Variants in CASZ1 observed in about 807,000 individuals in gnomAD.
CASZ1 encodes the protein castor zinc finger 1.
CASZ1 carries 28 observed loss-of-function variants against 135.2 expected under a neutral mutation model. That is an observed-to-expected ratio of 0.21 (90% CI 0.15 to 0.28). The LOEUF is 0.28. Among genes scored for constraint, CASZ1 ranks in the 10% least tolerant of loss-of-function variants. The probability of loss-of-function intolerance (pLI) is 1.00; values close to 1 mark genes in which losing one functional copy is unlikely to be tolerated. For missense variants in CASZ1, 2,161 were observed against 2,453.3 expected (o/e 0.88, Z 2.52); for synonymous variants, 1,068 against 1,073.4 (o/e 0.99, Z 0.10).
In CASZ1 at chr1:10,658,589, A is replaced by G; in HGVS notation, c.1341-13T>C. 1.2e-6 allele frequency: 2 copies of G among 1,613,062 alleles called. No individual in the cohort carries two copies. The highest frequency in any genetic ancestry group is 8.5e-7 in the Non-Finnish European group (1 of 1,179,068). ...GGGCAGTCCGTTCCTGGCAAGAGAC[A>G]CACAGGGCACAGCCGGTGAGCAGAT... is the stretch of plus-strand genomic sequence containing the variant. On this transcript the variant is annotated splice_polypyrimidine_tract_variant and intron_variant, in intron 6 of 20. Transcript: ENST00000377022.
Position 10,726,816 on chromosome 1 carries a change from T to A in CASZ1, c.-76-21272A>T, listed in dbSNP as rs1639606343. Among the ~76,000 whole-genome samples the A allele has an allele frequency of 6.6e-6, 1 of 152,010 alleles. No homozygotes were observed. The highest frequency in any genetic ancestry group is 2.4e-5 in the African/African-American group (1 of 41,392). ...CCCTGAAGAGAGGCCAGGGAGAGGC[T>A]AGCATGGGGGTGTTCAGAGGCCCAG... On this transcript the variant is annotated intron_variant, in intron 2 of 20. Coordinates refer to ENST00000377022, the MANE Select transcript of CASZ1 (RefSeq NM_001079843.3). The surrounding 1 kb of genome is among the most constrained non-coding windows in gnomAD (Gnocchi z 5.7).
rs1642706550 is a variant in CASZ1 at position 10,654,131 on chromosome 1, C to A, written c.1926G>T (p.Lys642Asn). 1.2e-6 allele frequency: 2 copies of A among 1,614,092 alleles called. No homozygotes were observed. Among genetic ancestry groups the A allele is most frequent in the Non-Finnish European group, 1.7e-6 (2 of 1,180,048 alleles). The change falls in exon 11 of 21, where the codon AAG becomes AAT. Residue 642 changes from lysine (K) to asparagine (N), a missense_variant. By Grantham distance (94) the Lys-to-Asn change is moderately conservative. Coordinates refer to ENST00000377022, the MANE Select transcript of CASZ1 (RefSeq NM_001079843.3). ...ACTTGTAGAACTTCTTGAAGCCGTC[C>A]TTGGCGTAGGCATCGTCCTTGATGT... ...SYHIKDDAYA[K>N]DGFKKFYKYE...
intron 2 of CASZ1, among the ~76,000 whole-genome samples, chr1:10,712,192 A>G (rs1362849515): frequency 6.6e-6 from 1 of 151,760 alleles, no homozygotes; most frequent in Admixed American, 6.6e-5. Flanking sequence ...CTAAAAATAC[A>G]AAAAGTAGCC....
chr1:10,649,058 C>T lies in CASZ1; in HGVS notation c.3158+12G>A, dbSNP rs1485265540. The stretch of plus-strand genomic sequence containing the variant: ...GGGGCTCTGTGGAAATGGCCCCCAG[C>T]ACCCTACTCACTTTGCGTGCTTGAT... On this transcript the variant is annotated intron_variant, in intron 15 of 20. Transcript: ENST00000377022. 2.5e-6 allele frequency: 4 copies of T among 1,611,770 alleles called. No homozygotes were observed. Among genetic ancestry groups the T allele is most frequent in the African/African-American group, 2.7e-5 (2 of 75,020 alleles).
Position 10,639,994 on chromosome 1 carries a change from A to G in CASZ1, c.4228T>C (p.Ser1410Pro). ...KKRFWIIEDM[S>P]PFGKRRKTAS... ...GTCTTCCGCCGCTTGCCGAAGGGCG[A>G]CATGTCCTCGATGATCCAGAAGCGC... is the stretch of plus-strand genomic sequence containing the variant. Residue 1410 changes from serine to proline, a missense_variant, in exon 21 of 21, where the codon TCG becomes CCG. Ser to Pro is a moderately conservative substitution (Grantham distance 74). Around this residue, in one of 7 missense-constraint regions of CASZ1, gnomAD observed 143 missense variants for 128.3 expected, o/e 1.11. Coordinates refer to ENST00000377022, the MANE Select transcript of CASZ1 (RefSeq NM_001079843.3). The surrounding 1 kb of genome is among the most constrained non-coding windows in gnomAD (Gnocchi z 4.0). The G allele has an allele frequency of 1.2e-6, 2 of 1,612,554 alleles. No homozygotes were observed. Among genetic ancestry groups the G allele is most frequent in the Non-Finnish European group, 1.7e-6 (2 of 1,180,008 alleles).
At position 10,739,015 on chromosome 1, in the gene CASZ1, G is replaced by A. The variant is rs958360160; in HGVS notation, c.-77+21686C>T. On this transcript the variant is annotated intron_variant, in intron 2 of 20. Transcript: ENST00000377022. The surrounding 1 kb of genome is among the most constrained non-coding windows in gnomAD (Gnocchi z 4.8). Reference sequence around the variant, plus strand: ...AAATGTTCTCAACAAGGGGAGATTTGACTGGCTTCTCTGAGAACCAGTCAT... The same window carrying A: ...AAATGTTCTCAACAAGGGGAGATTTAACTGGCTTCTCTGAGAACCAGTCAT... 4.6e-5 allele frequency among the ~76,000 whole-genome samples: 6 copies of A among 129,386 alleles called. No homozygotes were observed. Among genetic ancestry groups the A allele is most frequent in the Non-Finnish European group, 6.3e-5 (4 of 63,816 alleles). The allele number at this position is 129,386 out of a possible 152,430, so 84.9% of individuals were successfully genotyped here. A position where few individuals can be genotyped will look rare whatever the true frequency, so the allele number is the denominator to read the frequency against.
Position 10,739,807 on chromosome 1 carries a change from C to T in CASZ1, c.-77+20894G>A, listed in dbSNP as rs74052183. 1.3e-5 allele frequency among the ~76,000 whole-genome samples: 2 copies of T among 152,162 alleles called. No homozygotes were observed. Among genetic ancestry groups the T allele is most frequent in the African/African-American group, 2.4e-5 (1 of 41,422 alleles). On this transcript the variant is annotated intron_variant, in intron 2 of 20. Transcript: ENST00000377022. This position sits in a 1 kb window ranked among gnomAD's most constrained non-coding sequence, Gnocchi z 4.8. ...TAGCACATGCCTTTTGCCACCTCCCCCACTGGTCCTGGCTCTTCCTTCCCC... is the reference window on the plus strand; with the variant it reads ...TAGCACATGCCTTTTGCCACCTCCCTCACTGGTCCTGGCTCTTCCTTCCCC...
In CASZ1 at chr1:10,660,493, G is replaced by C. The variant is rs756337353; in HGVS notation, c.549C>G (p.Thr183=). ...SLRDYAASTM[T]EFLGMFGYDD... ...CATAGCCAAACATGCCGAGGAACTC[G>C]GTCATGGTGGAGGCCGCGTAGTCCC... The change falls in exon 6 of 21, where the codon ACC becomes ACG. Residue 183 remains threonine, a synonymous_variant. Coordinates refer to ENST00000377022, the MANE Select transcript of CASZ1 (RefSeq NM_001079843.3). 22 of 1,613,924 alleles carry C rather than the reference G, an allele frequency of 1.4e-5. No individual in the cohort carries two copies. The highest frequency in any genetic ancestry group is 1.9e-5 in the Non-Finnish European group (22 of 1,179,996).
Position 10,774,246 on chromosome 1 carries a change from A to G in CASZ1, c.-233-13389T>C, listed in dbSNP as rs796088314. Among the ~76,000 whole-genome samples, 7 of 152,188 alleles carry G rather than the reference A, an allele frequency of 4.6e-5. No individual in the cohort carries two copies. The highest frequency in any genetic ancestry group is 1.4e-4 in the African/African-American group (6 of 41,444). Reference sequence around the variant, plus strand: ...CGCTAAATCCTTGGATACACACGGTATATCTCCTGACTCTCGGAGAATCGG... The same window carrying G: ...CGCTAAATCCTTGGATACACACGGTGTATCTCCTGACTCTCGGAGAATCGG... On this transcript the variant is annotated intron_variant, in intron 1 of 20. Coordinates refer to ENST00000377022, the MANE Select transcript of CASZ1 (RefSeq NM_001079843.3). The surrounding 1 kb of genome is among the most constrained non-coding windows in gnomAD (Gnocchi z 4.4).
At chr1:10,644,074 C>A (rs548068996) in intron 18 of CASZ1, among the ~76,000 whole-genome samples, 3 of 152,340 alleles carry the variant, frequency 2.0e-5, no homozygotes, top group South Asian at 2.1e-4. Flanking sequence ...TTGAGGATGT[C>A]ACCTTTCACT....
At chr1:10,640,749 C>T (rs914561752) in intron 20 of CASZ1, among the ~76,000 whole-genome samples, 1 of 152,156 alleles carries the variant, frequency 6.6e-6, no homozygotes, top group African/African-American at 2.4e-5. Context: ...TGCTCAGAGT[C>T]GTAATTTACC....
intron 17 of CASZ1, 67 bp from the exon 18 acceptor site, chr1:10,645,155 C>T: frequency 1.4e-6 from 2 of 1,467,172 alleles, no homozygotes; most frequent in Non-Finnish European, 1.9e-6. Flanking sequence ...TGCCCCGGGC[C>T]TGAGGCTGTG....
intron 2 of CASZ1, among the ~76,000 whole-genome samples, chr1:10,723,061 G>A (rs1036781606): frequency 6.6e-6 from 1 of 152,250 alleles, no homozygotes; most frequent in African/African-American, 2.4e-5. Flanking sequence ...GACGGGAGGT[G>A]CGCATCATGG....
At chr1:10,703,010 A>G (rs1639097230) in intron 3 of CASZ1, among the ~76,000 whole-genome samples, 1 of 147,506 alleles carries the variant, frequency 6.8e-6, no homozygotes, top group Non-Finnish European at 1.5e-5. Context: ...TGGGGGTGCT[A>G]TGGGTGGTGG....
chr1:10,638,494 C>G lies in CASZ1; in HGVS notation c.*448G>C, dbSNP rs1192678110. 3.3e-5 allele frequency: 5 copies of G among 152,004 alleles called. No homozygotes were observed. The highest frequency in any genetic ancestry group is 1.2e-4 in the African/African-American group (5 of 41,376). 9.4% of individuals were successfully genotyped at this position (152,004 alleles called of 1,614,324 possible). On this transcript the variant is annotated 3_prime_UTR_variant, in exon 21 of 21. Transcript: ENST00000377022. The surrounding 1 kb of genome is among the most constrained non-coding windows in gnomAD (Gnocchi z 5.9). ...TCTCCCCCTGGGCAGGGGGGAGGATCCTAGCTGCATGAGGGAGGCCCCGCC... is the reference window on the plus strand; with the variant it reads ...TCTCCCCCTGGGCAGGGGGGAGGATGCTAGCTGCATGAGGGAGGCCCCGCC...
rs1639037060 is a variant in CASZ1, at chr1:10,700,381, G to A, written c.-24+5111C>T. 6.6e-6 allele frequency among the ~76,000 whole-genome samples: 1 copy of A among 152,218 alleles called. No homozygotes were observed. Among genetic ancestry groups the A allele is most frequent in the African/African-American group, 2.4e-5 (1 of 41,450 alleles). ...GCAGGGCTGGGGAGAAGCCAAGGGAGGGGTCCCAGGAGGGGAGGCCCGCTG... is the reference window on the plus strand; with the variant it reads ...GCAGGGCTGGGGAGAAGCCAAGGGAAGGGTCCCAGGAGGGGAGGCCCGCTG... On this transcript the variant is annotated intron_variant, in intron 3 of 20. Transcript: ENST00000377022. This position sits in a 1 kb window ranked among gnomAD's most constrained non-coding sequence, Gnocchi z 4.2.
intron 1 of CASZ1, among the ~76,000 whole-genome samples, chr1:10,768,391 T>C (rs950489924): frequency 1.3e-5 from 2 of 152,080 alleles, no homozygotes; most frequent in Non-Finnish European, 2.9e-5. Context: ...CTAATTTTTG[T>C]ATTTTTAGTA....
intron 20 of CASZ1, among the ~76,000 whole-genome samples, chr1:10,640,722 T>C (rs1381934182): frequency 6.6e-6 from 1 of 152,178 alleles, no homozygotes; most frequent in Non-Finnish European, 1.5e-5. Flanking sequence ...CTCAGGGAGC[T>C]CAATGCCTCT....
At chr1:10,655,960 A>C in intron 8 of CASZ1, 147 bp from the exon 9 acceptor site, 1 of 723,208 alleles carries the variant, frequency 1.4e-6, no homozygotes, top group Non-Finnish European at 2.3e-6. Flanking sequence ...AGATTGTCCA[A>C]GGCCAGTGGC....
Sources: allele counts gnomAD v4.1 joint callset (sites outside exome capture counted in the v4.1 genomes callset), GRCh38; gene constraint gnomAD v4.1.1; regional missense constraint gnomAD v4.1.1; non-coding constraint Gnocchi (gnomAD v3.1); transcripts MANE v1.5; gene names NCBI Gene and HGNC (gene_info 2026-07-23, HGNC 2026-07-21).